The following VAV2 variants were observed in gnomAD, a reference collection of about 807,000 sequenced individuals.
VAV2 encodes the protein vav guanine nucleotide exchange factor 2.
In VAV2, 67 loss-of-function variants were observed where a neutral mutation model predicts 132.5. The ratio of observed to expected loss-of-function variants is 0.51; its 90% CI spans 0.42 to 0.62. The LOEUF (loss-of-function observed/expected upper bound fraction) is 0.62. Among genes scored for constraint, VAV2 ranks in the 20% least tolerant of loss-of-function variants. The pLI is 0.00. For missense variants in VAV2, 938 were observed against 1,153.6 expected, an observed-to-expected ratio of 0.81 and a Z score of 2.71; for synonymous variants, 492 against 443.5, an observed-to-expected ratio of 1.11 and a Z score of -1.37.
rs376574599 is a variant in VAV2 at position 133,794,571 on chromosome 9, G to A, written c.1101+1097C>T. ...ACCCAGAGGGAGCTCCTTAAATGAG[G>A]TACCTGGGAAAGGAAAAGGGGGCCC... On this transcript the variant is annotated intron_variant, in intron 12 of 29. Transcript: ENST00000371850. This position sits in a 1 kb window ranked among gnomAD's most constrained non-coding sequence, Gnocchi z 4.6. Among the ~76,000 whole-genome samples, 15 of 152,276 alleles carry A rather than the reference G, an allele frequency of 9.9e-5. No individual in the cohort carries two copies. In the East Asian group the frequency reaches 2.3e-3, roughly 24 times the overall value.
At chr9:133,880,829 G>C (rs1329625036) in intron 2 of VAV2, among the ~76,000 whole-genome samples, 1 of 152,242 alleles carries the variant, frequency 6.6e-6, no homozygotes, top group African/African-American at 2.4e-5. Context: ...TAAAGCAGGG[G>C]CTGCCCCTTT....
rs62576550 is a variant in VAV2 at position 133,861,543 on chromosome 9, C to T, written c.322-111G>A. 8.3e-3 allele frequency: 9,788 copies of T among 1,182,034 alleles called. 66 individuals carry two copies. Among genetic ancestry groups the T allele is most frequent in the Non-Finnish European group, 9.8e-3 (8,264 of 846,608 alleles). 73.2% of individuals were successfully genotyped at this position (1,182,034 alleles called of 1,614,324 possible). A position where few individuals can be genotyped will look rare whatever the true frequency, so the allele number is the denominator to read the frequency against. On this transcript the variant is annotated intron_variant, in intron 2 of 29. Coordinates refer to ENST00000371850, the MANE Select transcript of VAV2 (RefSeq NM_001134398.2). ...GTCGAGAACTGTTAACTGAGCACAT[C>T]GCATCTGGGTAAGAAACACGGCATA... is the stretch of plus-strand genomic sequence containing the variant.
chr9:133,939,618 C>A (rs1019849223), intron 1 of VAV2, among the ~76,000 whole-genome samples: 1 of 152,246 alleles, frequency 6.6e-6, no homozygotes, highest in African/African-American at 2.4e-5. Context: ...CTCTCCCAGG[C>A]GCACCCAGCA....
rs1291570720 is a variant in VAV2, at chr9:133,883,826, AGC to A, written c.322-22396_322-22395del. 2.0e-5 allele frequency among the ~76,000 whole-genome samples: 3 copies of A among 152,168 alleles called. No homozygotes were observed. Among genetic ancestry groups the A allele is most frequent in the Non-Finnish European group, 4.4e-5 (3 of 68,024 alleles). ...TCACACTTGAGGTCCACAGGTGACT[AGC>A]AACTTTGCTTAAATTGATTCTAGTA... is the stretch of plus-strand genomic sequence containing the variant. On this transcript the variant is annotated intron_variant, in intron 2 of 29. Transcript: ENST00000371850. This position sits in a 1 kb window ranked among gnomAD's most constrained non-coding sequence, Gnocchi z 4.2.
chr9:133,854,432 G>A (rs1837312924), intron 3 of VAV2, among the ~76,000 whole-genome samples: 1 of 152,272 alleles, frequency 6.6e-6, no homozygotes. Flanking sequence ...ATGCAAAAGA[G>A]GAGCAGTGGT....
intron 1 of VAV2, among the ~76,000 whole-genome samples, chr9:133,968,691 A>G (rs2132249023): frequency 6.6e-6 from 1 of 152,266 alleles, no homozygotes; most frequent in East Asian, 1.9e-4. Context: ...GCCGGGAGAG[A>G]GAGCCACCAT....
intron 6 of VAV2, 150 bp downstream of exon 6, chr9:133,810,041 G>A: frequency 1.7e-6 from 2 of 1,145,778 alleles, no homozygotes; most frequent in Non-Finnish European, 2.5e-6. Flanking sequence ...GGGGTGCCGA[G>A]GGTCTCTGAT....
At chr9:133,978,478 C>T (rs1461798917) in intron 1 of VAV2, among the ~76,000 whole-genome samples, 1 of 152,248 alleles carries the variant, frequency 6.6e-6, no homozygotes, top group Non-Finnish European at 1.5e-5. Context: ...AAGCACCTGG[C>T]GGGTCACGGA....
intron 4 of VAV2, among the ~76,000 whole-genome samples, chr9:133,814,096 C>T (rs143958795): frequency 1.3e-3 from 196 of 152,306 alleles, no homozygotes; most frequent in Non-Finnish European, 2.1e-3. Flanking sequence ...AGCCGTCAGA[C>T]GGGTTGGGCC....
intron 2 of VAV2, among the ~76,000 whole-genome samples, chr9:133,905,862 C>A (rs1839631169): frequency 8.1e-6 from 1 of 123,306 alleles, no homozygotes; most frequent in African/African-American, 3.7e-5. Flanking sequence ...CGTGGCGAAA[C>A]CCCATCTCTA....
intron 2 of VAV2, among the ~76,000 whole-genome samples, chr9:133,869,709 C>T (rs946883592): frequency 5.9e-5 from 9 of 152,206 alleles, no homozygotes; most frequent in African/African-American, 9.6e-5. Flanking sequence ...GAGGCTCTGC[C>T]GATCAGAAGA....
At chr9:133,948,942 T>C (rs559039822) in intron 1 of VAV2, among the ~76,000 whole-genome samples, 1 of 152,260 alleles carries the variant, frequency 6.6e-6, no homozygotes, top group South Asian at 2.1e-4. Context: ...CCCCACGGCA[T>C]AGGCAAGAGG....
At chr9:133,921,067 T>C (rs917987126) in intron 2 of VAV2, among the ~76,000 whole-genome samples, 1 of 152,190 alleles carries the variant, frequency 6.6e-6, no homozygotes, top group African/African-American at 2.4e-5. Context: ...TTAATATGCA[T>C]AATCTCTGAA....
Position 133,907,911 on chromosome 9 carries a change from C to A in VAV2, c.321+31192G>T, listed in dbSNP as rs867627116. On this transcript the variant is annotated intron_variant, in intron 2 of 29. Transcript: ENST00000371850. ...GAGAGTGGAGGGAGGGCCTGGGGCA[C>A]CCCTCCCACCATGCCCCCCTTCCTT... Among the ~76,000 whole-genome samples, 722 of 120,216 alleles carry A rather than the reference C, an allele frequency of 6.0e-3. 8 individuals carry two copies. Among genetic ancestry groups the A allele is most frequent in the African/African-American group, 0.021 (659 of 32,096 alleles). The allele number at this position is 120,216 out of a possible 152,430, so 78.9% of individuals were successfully genotyped here. A position where few individuals can be genotyped will look rare whatever the true frequency, so the allele number is the denominator to read the frequency against.
At chr9:133,960,812 G>A (rs964429074) in intron 1 of VAV2, among the ~76,000 whole-genome samples, 1 of 152,212 alleles carries the variant, frequency 6.6e-6, no homozygotes, top group Non-Finnish European at 1.5e-5. Context: ...GAGGGAAGAA[G>A]AACTCTCATA....
chr9:133,783,589 C>T lies in VAV2; in HGVS notation c.1637G>A (p.Gly546Asp), dbSNP rs1332516679. 2 of 1,613,792 alleles carry T rather than the reference C, an allele frequency of 1.2e-6. No homozygotes were observed. The highest frequency in any genetic ancestry group is 1.7e-6 in the Non-Finnish European group (2 of 1,179,930). The change falls in exon 19 of 30, where the codon GGC becomes GAC. Residue 546 changes from glycine (G) to aspartate (D), a missense_variant and splice_region_variant. Physicochemically the swap from Gly to Asp is moderately conservative, Grantham distance 94. Coordinates refer to ENST00000371850, the MANE Select transcript of VAV2 (RefSeq NM_001134398.2). ...ACACATGTATCCCTGGTAGAAGGTG[C>T]CCCTGCACAGGGGAGGGCAGGAGGT... ...NCKACKMFLR[G>D]TFYQGYMCTK...
At chr9:133,893,051 G>C (rs1420577323) in intron 2 of VAV2, among the ~76,000 whole-genome samples, 1 of 152,208 alleles carries the variant, frequency 6.6e-6, no homozygotes, top group Non-Finnish European at 1.5e-5. Flanking sequence ...TAGACACGCA[G>C]TAAGGCGGAC....
Position 133,928,170 on chromosome 9 carries a change from CGTGTGT to C in VAV2, c.321+10927_321+10932del, listed in dbSNP as rs879317769. Among the ~76,000 whole-genome samples, 1 of 36,778 alleles carries C rather than the reference CGTGTGT, an allele frequency of 2.7e-5. No homozygotes were observed. The highest frequency in any genetic ancestry group is 1.5e-4 in the Non-Finnish European group (1 of 6,652). The allele number at this position is 36,778 out of a possible 152,430, so 24.1% of individuals were successfully genotyped here. On this transcript the variant is annotated intron_variant, in intron 2 of 29. Transcript: ENST00000371850. The surrounding 1 kb of genome is among the most constrained non-coding windows in gnomAD (Gnocchi z 5.4). ...CAGCATCCGATGGGCTTACCGACTC[CGTGTGT>C]GTGTGTGTGTGTGCGTGCATGTGTG...
At chr9:133,952,796 G>A (rs976687813) in intron 1 of VAV2, among the ~76,000 whole-genome samples, 1 of 152,174 alleles carries the variant, frequency 6.6e-6, no homozygotes, top group African/African-American at 2.4e-5. Context: ...AAGGCAGGAT[G>A]GAGCCTCTCC....
Sources: gnomAD v4.1 joint callset for allele counts (sites outside exome capture counted in the v4.1 genomes callset) on GRCh38, gnomAD v4.1.1 for gene constraint, Gnocchi (gnomAD v3.1) non-coding constraint, MANE v1.5 for transcripts, NCBI Gene and HGNC (gene_info 2026-07-23, HGNC 2026-07-21) for gene names.